The following RMP64 variants were observed in gnomAD, a reference collection of about 807,000 sequenced individuals.
The protein encoded by RMP64 is nucleolus and neural progenitor protein.
chr3:113,015,623 A>G, the RMP64 span, among the ~76,000 whole-genome samples: 1 of 150,320 alleles, frequency 6.7e-6, no homozygotes, highest in African/African-American at 2.4e-5. Context: ...GAATGTTTAG[A>G]GACAGGCCAA....
At chr3:113,002,710 G>A in the RMP64 span, 1 of 155,842 alleles carries the variant, frequency 6.4e-6, no homozygotes, top group Non-Finnish European at 1.4e-5. Flanking sequence ...ATCTTAGAGG[G>A]CATTCCAGGA....
At chr3:113,009,943 G>C in the RMP64 span, among the ~76,000 whole-genome samples, 1 of 147,370 alleles carries the variant, frequency 6.8e-6, no homozygotes, top group Non-Finnish European at 1.5e-5. Flanking sequence ...AAAAATACCA[G>C]AAGTAGACAT....
chr3:113,006,807 T>C, the RMP64 span, among the ~76,000 whole-genome samples: 1 of 152,036 alleles, frequency 6.6e-6, no homozygotes, highest in African/African-American at 2.4e-5. Flanking sequence ...TACTTCAGAG[T>C]TGAAAGGAAA....
the RMP64 span, chr3:113,008,404 A>G: frequency 6.2e-7 from 1 of 1,612,284 alleles, no homozygotes; most frequent in Non-Finnish European, 8.5e-7. Flanking sequence ...GTCTGGATTG[A>G]GAACATTTAA....
the RMP64 span, chr3:113,011,231 G>A: frequency 3.2e-5 from 52 of 1,612,252 alleles, no homozygotes; most frequent in African/African-American, 4.4e-4. Flanking sequence ...AAAGCTATAG[G>A]CATTTTTTTC....
the RMP64 span, chr3:113,012,773 A>T: frequency 1.2e-6 from 2 of 1,610,202 alleles, no homozygotes; most frequent in Non-Finnish European, 1.7e-6. Context: ...AAGGTTTAAA[A>T]TAATGAACTC....
chr3:113,017,787 T>C, the RMP64 span, among the ~76,000 whole-genome samples: 3 of 152,218 alleles, frequency 2.0e-5, no homozygotes, highest in Middle Eastern at 3.2e-3. Flanking sequence ...TGGTAACAGA[T>C]GATATAAAGT....
At chr3:113,014,050 G>C in the RMP64 span, 1 of 1,547,198 alleles carries the variant, frequency 6.5e-7, no homozygotes, top group East Asian at 2.2e-5. Flanking sequence ...AAGAAGAGCA[G>C]TTCAAATTCA....
the RMP64 span, chr3:113,013,893 A>G: frequency 9.0e-7 from 1 of 1,110,682 alleles, no homozygotes; most frequent in South Asian, 1.2e-5. Context: ...CCAAAGGGAG[A>G]TCACAAGACA....
At chr3:113,014,258 C>A in the RMP64 span, 1 of 425,742 alleles carries the variant, frequency 2.3e-6, no homozygotes, top group Non-Finnish European at 4.3e-6. Flanking sequence ...AATCAGGTGA[C>A]TCCTAAGAAA....
chr3:113,010,376 C>A, the RMP64 span: 1 of 419,042 alleles, frequency 2.4e-6, no homozygotes, highest in Non-Finnish European at 4.3e-6. Flanking sequence ...CAGTACAATC[C>A]ATACTTAACA....
At chr3:113,011,223 A>G in the RMP64 span, 1 of 1,612,854 alleles carries the variant, frequency 6.2e-7, no homozygotes, top group Admixed American at 1.7e-5. Flanking sequence ...TAGCTGCAAA[A>G]GCTATAGGCA....
chr3:113,008,030 TG>T, the RMP64 span: 1 of 674,118 alleles, frequency 1.5e-6, no homozygotes, highest in South Asian at 1.9e-5. Context: ...AAGCAGCAAA[TG>T]CAATTGCAGT....
At chr3:113,019,631 G>T in the RMP64 span, 1 of 1,613,446 alleles carries the variant, frequency 6.2e-7, no homozygotes, top group East Asian at 2.2e-5. Flanking sequence ...CAGGCCCGGC[G>T]GCACCGCAGC....
the RMP64 span, among the ~76,000 whole-genome samples, chr3:113,007,189 C>A: frequency 1.3e-5 from 2 of 152,114 alleles, no homozygotes; most frequent in South Asian, 4.1e-4. Context: ...TATTACAGAC[C>A]TTTAGAGGAG....
At chr3:113,016,082 T>C in the RMP64 span, among the ~76,000 whole-genome samples, 2 of 151,720 alleles carry the variant, frequency 1.3e-5, no homozygotes, top group African/African-American at 2.4e-5. Flanking sequence ...TGCAGGTGTG[T>C]TGAGTCCAGG....
At chr3:113,008,629 A>G in the RMP64 span, 1 of 458,620 alleles carries the variant, frequency 2.2e-6, no homozygotes, top group Admixed American at 3.6e-5. Context: ...CCCCATAAAT[A>G]TATATACCTG....
At chr3:113,015,641 A>T in the RMP64 span, among the ~76,000 whole-genome samples, 1 of 150,774 alleles carries the variant, frequency 6.6e-6, no homozygotes, top group African/African-American at 2.4e-5. Context: ...CAATTCTAGT[A>T]CTTACATGAA....
the RMP64 span, chr3:113,004,225 A>C: frequency 2.0e-5 from 3 of 152,226 alleles, no homozygotes; most frequent in African/African-American, 7.2e-5. Flanking sequence ...GAGAAGCTAA[A>C]GTAGTGTTTA....
Sources: gnomAD v4.1 joint callset for allele counts (sites outside exome capture counted in the v4.1 genomes callset) on GRCh38, gnomAD v4.1.1 for gene constraint, MANE v1.5 for transcripts, NCBI Gene and HGNC (gene_info 2026-07-23, HGNC 2026-07-21) for gene names.